The following TGM6 variants were observed in gnomAD, a reference collection of about 807,000 sequenced individuals.
The protein encoded by TGM6 is transglutaminase 6.
A neutral mutation model predicts 77.5 loss-of-function variants in TGM6; 74 were observed. The ratio of observed to expected loss-of-function variants is 0.96; its 90% CI spans 0.79 to 1.16. TGM6 has a LOEUF of 1.16. Among genes scored for constraint, TGM6 ranks in the 50% most tolerant of loss-of-function variants. The probability of loss-of-function intolerance (pLI) is 0.00; values close to 1 mark genes in which losing one functional copy is unlikely to be tolerated. For missense variants in TGM6, 968 were observed against 940.2 expected (o/e 1.03, Z -0.39); for synonymous variants, 383 against 378.9 (o/e 1.01, Z -0.12).
intron 10 of TGM6, among the ~76,000 whole-genome samples, chr20:2,429,368 A>G (rs1053681156): frequency 6.6e-6 from 1 of 152,150 alleles, no homozygotes; most frequent in Middle Eastern, 3.4e-3. Context: ...AAACAGAAAT[A>G]AAGGAAGCAG....
intron 10 of TGM6, among the ~76,000 whole-genome samples, chr20:2,420,386 C>T (rs79864677): frequency 0.036 from 5,421 of 152,176 alleles, 311 homozygotes; most frequent in African/African-American, 0.12. Flanking sequence ...AGTTCCCATA[C>T]CCCTGTCCAC....
chr20:2,403,010 A>G (rs1236639015), intron 7 of TGM6, among the ~76,000 whole-genome samples: 1 of 152,134 alleles, frequency 6.6e-6, no homozygotes, highest in Non-Finnish European at 1.5e-5. Flanking sequence ...GTAGGTCTAT[A>G]GGGGTTGTTC....
At chr20:2,384,435 A>G (rs1407945964) in intron 1 of TGM6, among the ~76,000 whole-genome samples, 2 of 152,322 alleles carry the variant, frequency 1.3e-5, no homozygotes, top group East Asian at 3.9e-4. Context: ...GATGTCATGA[A>G]TTGGCAGAGC....
At chr20:2,417,113 C>A in intron 9 of TGM6, 119 bp from the exon 10 acceptor site, 1 of 871,268 alleles carries the variant, frequency 1.1e-6, no homozygotes, top group Non-Finnish European at 1.8e-6. Context: ...GAATCAAACA[C>A]AAGGCATGTG....
At chr20:2,402,284 G>C (rs1599952732) in intron 7 of TGM6, among the ~76,000 whole-genome samples, 1 of 151,956 alleles carries the variant, frequency 6.6e-6, no homozygotes, top group Admixed American at 6.6e-5. Flanking sequence ...AAGATTAGGA[G>C]AGACAGTGAA....
chr20:2,421,487 A>T (rs2084856172), intron 10 of TGM6, among the ~76,000 whole-genome samples: 1 of 152,222 alleles, frequency 6.6e-6, no homozygotes, highest in Non-Finnish European at 1.5e-5. Flanking sequence ...CTGACATTGT[A>T]ATAGGTGTGT....
At chr20:2,421,307 A>G (rs1382735192) in intron 10 of TGM6, among the ~76,000 whole-genome samples, 1 of 152,190 alleles carries the variant, frequency 6.6e-6, no homozygotes, top group Non-Finnish European at 1.5e-5. Context: ...TCTTTAGATA[A>G]ATACCAAGGA....
At chr20:2,407,121 T>G (rs1000518740) in intron 9 of TGM6, among the ~76,000 whole-genome samples, 3 of 152,362 alleles carry the variant, frequency 2.0e-5, no homozygotes, top group African/African-American at 7.2e-5. Flanking sequence ...AGAACTCTCC[T>G]GCAGAACCCA....
intron 5 of TGM6, 127 bp downstream of exon 5, chr20:2,398,173 C>A (rs1270046304): frequency 2.7e-6 from 4 of 1,495,444 alleles, no homozygotes; most frequent in African/African-American, 2.8e-5. Flanking sequence ...AACCAACCAC[C>A]CCAAAACTCA....
At chr20:2,390,624 T>A (rs768614572) in intron 1 of TGM6, among the ~76,000 whole-genome samples, 2 of 152,222 alleles carry the variant, frequency 1.3e-5, no homozygotes, top group Non-Finnish European at 2.9e-5. Context: ...GCAGTTGATA[T>A]TCTTGAAAGG....
At chr20:2,385,584 T>C (rs1373359450) in intron 1 of TGM6, among the ~76,000 whole-genome samples, 1 of 151,788 alleles carries the variant, frequency 6.6e-6, no homozygotes, top group Non-Finnish European at 1.5e-5. Context: ...TCACACACCC[T>C]CCTCTTTCTC....
At chr20:2,417,661 C>T in intron 10 of TGM6, 88 bp downstream of exon 10, 2 of 1,383,416 alleles carry the variant, frequency 1.4e-6, no homozygotes, top group East Asian at 2.5e-5. Context: ...CCCAGGACTG[C>T]ATTCATCCCC....
rs1400192173 is a variant in TGM6 at position 2,432,529 on chromosome 20, G to C, written c.2007G>C (p.Gln669His). ...AGCCTCAGGAGAGGGCCTCAGTCCA[G>C]TTTGACATCACCCCCTCCAAAAGTG... Reference protein sequence around the residue: ...TLEPQERASVQFDITPSKSGP... With the variant: ...TLEPQERASVHFDITPSKSGP... Residue 669 changes from glutamine (Q) to histidine (H), a missense_variant, in exon 13 of 13, where the codon CAG (glutamine) becomes CAC (histidine). Physicochemically the swap from Gln to His is conservative, Grantham distance 24. Transcript: ENST00000202625. The C allele has an allele frequency of 6.2e-7, 1 of 1,614,014 alleles. No individual in the cohort carries two copies. Among genetic ancestry groups the C allele is most frequent in the Non-Finnish European group, 8.5e-7 (1 of 1,180,026 alleles).
At chr20:2,399,129 T>C (rs1236501642) in intron 5 of TGM6, among the ~76,000 whole-genome samples, 1 of 134,512 alleles carries the variant, frequency 7.4e-6, no homozygotes, top group Non-Finnish European at 1.6e-5. Context: ...TGAAGCTCAG[T>C]TTTTGCATCT....
At chr20:2,395,163 G>A (rs1267379507) in intron 2 of TGM6, 31 bp from the exon 3 acceptor site, 3 of 1,608,268 alleles carry the variant, frequency 1.9e-6, no homozygotes, top group Non-Finnish European at 2.5e-6. Flanking sequence ...CCCAGGGGAA[G>A]GGTCTCCTGA....
chr20:2,386,005 G>GCTCC (rs888636746), intron 1 of TGM6, among the ~76,000 whole-genome samples: 2 of 152,190 alleles, frequency 1.3e-5, no homozygotes, highest in African/African-American at 4.8e-5. Context: ...CGTCTTAAAA[G>GCTCC]AATTTGAGCT....
intron 10 of TGM6, among the ~76,000 whole-genome samples, chr20:2,421,203 T>G (rs1403005755): frequency 6.6e-6 from 1 of 152,202 alleles, no homozygotes; most frequent in Non-Finnish European, 1.5e-5. Flanking sequence ...GCCAGGATGG[T>G]CTTGATCTCC....
chr20:2,399,139 TG>T (rs2084687959), intron 5 of TGM6, among the ~76,000 whole-genome samples: 2 of 85,596 alleles, frequency 2.3e-5, no homozygotes, highest in African/African-American at 4.1e-5. Flanking sequence ...TTTTTGCATC[TG>T]AAAAAAAAAA....
chr20:2,402,004 G>A lies in TGM6; in HGVS notation c.990-1393G>A, dbSNP rs549497544. ...TGTAATCCCAACACTTTGGGAGGCC[G>A]AGGCTGGCAAATCACTTGAGGTCAG... On this transcript the variant is annotated intron_variant, in intron 7 of 12. Transcript: ENST00000202625. Among the ~76,000 whole-genome samples, 104 of 152,242 alleles carry A rather than the reference G, an allele frequency of 6.8e-4. 1 individual carries two copies. Among genetic ancestry groups the A allele is most frequent in the African/African-American group, 2.2e-3 (92 of 41,536 alleles).
Sources: allele counts gnomAD v4.1 joint callset (sites outside exome capture counted in the v4.1 genomes callset), GRCh38; gene constraint gnomAD v4.1.1; transcripts MANE v1.5; gene names NCBI Gene and HGNC (gene_info 2026-07-23, HGNC 2026-07-21).